The following NCOA1 variants were observed in gnomAD, a reference collection of about 807,000 sequenced individuals.
The protein encoded by NCOA1 is nuclear receptor coactivator 1.
Under a neutral mutation model 150.9 loss-of-function variants are expected in NCOA1, and 35 were observed. The observed-to-expected ratio is 0.23, with a 90% confidence interval of 0.18 to 0.31. The LOEUF (loss-of-function observed/expected upper bound fraction) is 0.31. Ranked by LOEUF, NCOA1 falls within the 10% of genes least tolerant of loss-of-function variation. NCOA1 has a pLI of 1.00. For missense variants in NCOA1, 1,491 were observed against 1,749.3 expected, an observed-to-expected ratio of 0.85 and a Z score of 2.63; for synonymous variants, 590 against 630.0, an observed-to-expected ratio of 0.94 and a Z score of 0.95.
rs181951068 is a variant in NCOA1 at position 24,758,157 on chromosome 2, G to A, written c.4065+1G>A. 2 of 1,606,832 alleles carry A rather than the reference G, an allele frequency of 1.2e-6. No individual in the cohort carries two copies. Among genetic ancestry groups the A allele is most frequent in the Non-Finnish European group, 1.7e-6 (2 of 1,174,392 alleles). On this transcript the variant is annotated splice_donor_variant, in intron 21 of 22. Transcript: ENST00000348332. LOFTEE classifies it high-confidence loss of function. ...AATGAACACTGTGTGCCCTGAGCAG[G>A]TAAGTGGCACACTCGCCACACACAT...
rs1181775993 is a variant in NCOA1 at position 24,707,328 on chromosome 2, T to C, written c.1858T>C (p.Ser620Pro). The stretch of plus-strand genomic sequence containing the variant: ...GCTTCTGCATAACAATGACAGACTT[T>C]CAGATGGAGACAGTAAATACTCTCA... ...SGLLHNNDRL[S>P]DGDSKYSQTS... The change falls in exon 13 of 23, where the codon TCA (serine) becomes CCA (proline). Residue 620 changes from serine to proline, a missense_variant. Ser to Pro is a moderately conservative substitution (Grantham distance 74). This residue lies in a region of NCOA1 where 703 missense variants were observed against 717.7 expected (regional missense o/e 0.98). Transcript: ENST00000348332. 2 of 1,614,190 alleles carry C rather than the reference T, an allele frequency of 1.2e-6. No homozygotes were observed. Among genetic ancestry groups the C allele is most frequent in the East Asian group, 4.5e-5 (2 of 44,894 alleles).
rs151084207 is a variant in NCOA1, at chr2:24,729,565, T to C, written c.2951T>C (p.Met984Thr). The change falls in exon 17 of 23, where the codon ATG becomes ACG. Residue 984 changes from methionine to threonine, a missense_variant. This residue lies in a region of NCOA1 where 485 missense variants were observed against 522.8 expected (regional missense o/e 0.93). Transcript: ENST00000348332. ...CAACAAGCAACGCCACCTTTGATCA[T>C]GGAAGAAAGACCCAACCTTTATTCC... is the stretch of plus-strand genomic sequence containing the variant. Reference protein sequence around the residue: ...PPQQATPPLIMEERPNLYSQP... With the variant: ...PPQQATPPLITEERPNLYSQP... The C allele has an allele frequency of 1.1e-5, 18 of 1,614,066 alleles. No homozygotes were observed. The highest frequency in any genetic ancestry group is 2.7e-5 in the African/African-American group (2 of 74,932).
chr2:24,491,598 G>A lies in NCOA1; in HGVS notation c.-400G>A, dbSNP rs1662961303. Reference sequence around the variant, plus strand: ...GTGAGCGGGGCCCAGAGGCGGCGGCGGCAGGTGAGTGGCGGGCTGCGGGTG... The same window carrying A: ...GTGAGCGGGGCCCAGAGGCGGCGGCAGCAGGTGAGTGGCGGGCTGCGGGTG... On this transcript the variant is annotated 5_prime_UTR_variant, in exon 1 of 23. Transcript: ENST00000348332. Among the ~76,000 whole-genome samples, 1 of 134,876 alleles carries A rather than the reference G, an allele frequency of 7.4e-6. No individual in the cohort carries two copies. The highest frequency in any genetic ancestry group is 2.0e-4 in the East Asian group (1 of 5,088). The allele number at this position is 134,876 out of a possible 152,430, so 88.5% of individuals were successfully genotyped here.
intron 19 of NCOA1, among the ~76,000 whole-genome samples, chr2:24,746,486 G>A (rs537537991): frequency 5.3e-5 from 8 of 152,294 alleles, no homozygotes; most frequent in African/African-American, 1.7e-4. Flanking sequence ...AGGTTGCAGC[G>A]AGCCAAGATC....
intron 5 of NCOA1, among the ~76,000 whole-genome samples, chr2:24,665,258 A>T (rs1003405253): frequency 2.6e-5 from 4 of 152,126 alleles, no homozygotes; most frequent in African/African-American, 9.7e-5. Flanking sequence ...TTTGATGAGG[A>T]TCAACTAATG....
At chr2:24,654,294 AGGCTT>A (rs980598444) in intron 4 of NCOA1, among the ~76,000 whole-genome samples, 2 of 152,208 alleles carry the variant, frequency 1.3e-5, no homozygotes, top group African/African-American at 4.8e-5. Flanking sequence ...AAGGCCAACT[AGGCTT>A]CTATATTTTC....
intron 11 of NCOA1, 123 bp from the exon 12 acceptor site, chr2:24,704,963 C>T (rs558351701): frequency 5.6e-5 from 52 of 929,390 alleles, no homozygotes; most frequent in Admixed American, 4.9e-4. Context: ...TATTCTGAGT[C>T]TAAGCAGGCA....
chr2:24,554,953 C>T (rs1394018875), intron 1 of NCOA1, among the ~76,000 whole-genome samples: 2 of 152,082 alleles, frequency 1.3e-5, no homozygotes, highest in South Asian at 2.1e-4. Context: ...CAATATGAAG[C>T]GTCTACGTTG....
chr2:24,559,297 C>G (rs1439773450), intron 1 of NCOA1, among the ~76,000 whole-genome samples: 1 of 152,094 alleles, frequency 6.6e-6, no homozygotes, highest in Non-Finnish European at 1.5e-5. Context: ...ACCGTCATTA[C>G]CCTCTCAGTG....
intron 11 of NCOA1, among the ~76,000 whole-genome samples, chr2:24,702,035 A>T (rs1673189526): frequency 1.3e-5 from 2 of 152,192 alleles, no homozygotes; most frequent in South Asian, 4.1e-4. Flanking sequence ...ATATATCATG[A>T]GTCAAAGCTG....
chr2:24,721,995 G>A (rs1483333398), intron 14 of NCOA1, among the ~76,000 whole-genome samples: 2 of 151,982 alleles, frequency 1.3e-5, no homozygotes, highest in Non-Finnish European at 2.9e-5. Flanking sequence ...AGTTATTTCA[G>A]TGGTGTTTTT....
At chr2:24,600,206 G>T (rs1024052911) in intron 3 of NCOA1, among the ~76,000 whole-genome samples, 2 of 151,862 alleles carry the variant, frequency 1.3e-5, no homozygotes, top group East Asian at 1.9e-4. Context: ...TTTTTTTGTT[G>T]TTGTTGTTGT....
intron 1 of NCOA1, among the ~76,000 whole-genome samples, chr2:24,541,323 T>A (rs1415325635): frequency 6.6e-6 from 1 of 152,094 alleles, no homozygotes; most frequent in East Asian, 1.9e-4. Flanking sequence ...AATCATGTCA[T>A]GGAAACCAGA....
chr2:24,643,945 A>G lies in NCOA1; in HGVS notation c.-174-21A>G, dbSNP rs546663932. 2.6e-5 allele frequency: 4 copies of G among 151,328 alleles called. No homozygotes were observed. The South Asian group carries it at 8.3e-4, about 31-fold the overall frequency. 9.4% of individuals were successfully genotyped at this position (151,328 alleles called of 1,614,324 possible). On this transcript the variant is annotated intron_variant, in intron 3 of 22. Coordinates refer to ENST00000348332, the MANE Select transcript of NCOA1 (RefSeq NM_003743.5). ...GCAATCTAACGTCCCTTCTGCTTTT[A>G]TTTTTGTCTTTTTATTCTAGTTGTT...
chr2:24,595,983 A>G (rs929258247), intron 3 of NCOA1, among the ~76,000 whole-genome samples: 1 of 152,174 alleles, frequency 6.6e-6, no homozygotes, highest in African/African-American at 2.4e-5. Flanking sequence ...GTGTTGAGGT[A>G]GACTTTCAGG....
At chr2:24,693,136 G>T in intron 9 of NCOA1, 116 bp from the exon 10 acceptor site, 1 of 948,866 alleles carries the variant, frequency 1.1e-6, no homozygotes, top group Non-Finnish European at 1.7e-6. Context: ...TTACAGGCGT[G>T]AGCCACCACG....
chr2:24,685,563 A>G (rs1012126704), intron 8 of NCOA1, among the ~76,000 whole-genome samples: 1 of 152,250 alleles, frequency 6.6e-6, no homozygotes, highest in Admixed American at 6.5e-5. Context: ...TGATGGAGAC[A>G]CGATAGTGCT....
At chr2:24,767,874 C>G (rs758569213) in intron 22 of NCOA1, 22 of 505,036 alleles carry the variant, frequency 4.4e-5, no homozygotes, top group Non-Finnish European at 7.8e-5. Flanking sequence ...TTCTAAATAT[C>G]ATGTATTTTT....
chr2:24,747,712 A>G (rs1425003486), intron 19 of NCOA1, among the ~76,000 whole-genome samples: 1 of 152,230 alleles, frequency 6.6e-6, no homozygotes, highest in Non-Finnish European at 1.5e-5. Context: ...TAAGGATCAC[A>G]ACCAAAATAG....
Sources: allele counts gnomAD v4.1 joint callset (sites outside exome capture counted in the v4.1 genomes callset), GRCh38; gene constraint gnomAD v4.1.1; regional missense constraint gnomAD v4.1.1; transcripts MANE v1.5; gene names NCBI Gene and HGNC (gene_info 2026-07-23, HGNC 2026-07-21).